The following TULP4 variants were observed in gnomAD, a reference collection of about 807,000 sequenced individuals.
TULP4 encodes tubby-related protein 4.
In TULP4, 16 loss-of-function variants were observed where a neutral mutation model predicts 129.0. That is an observed-to-expected ratio of 0.12 (90% CI 0.08 to 0.19). TULP4 has a LOEUF of 0.19. Among genes scored for constraint, TULP4 ranks in the 10% least tolerant of loss-of-function variants. TULP4 has a pLI of 1.00. For synonymous variants in TULP4, 998 were observed against 854.0 expected, an observed-to-expected ratio of 1.17 and a Z score of -2.94; for missense variants, 1,842 against 2,059.1, an observed-to-expected ratio of 0.89 and a Z score of 2.04.
Position 158,331,720 on chromosome 6 carries a change from CACACACACATACGTATAT to C in TULP4, c.252+17454_252+17471del, listed in dbSNP as rs1219439100. Among the ~76,000 whole-genome samples, 5 of 48,176 alleles carry C rather than the reference CACACACACATACGTATAT, an allele frequency of 1.0e-4. 1 individual carries two copies. Among genetic ancestry groups the C allele is most frequent in the African/African-American group, 3.3e-4 (5 of 14,978 alleles). The allele number at this position is 48,176 out of a possible 152,430, so 31.6% of individuals were successfully genotyped here. A position where few individuals can be genotyped will look rare whatever the true frequency, so the allele number is the denominator to read the frequency against. ...ACACACACACACACACACACACACACACACACACATACGTATATATATACGTGTATATACACGTGTATA... is the reference window on the plus strand; with the variant it reads ...ACACACACACACACACACACACACACATATACGTGTATATACACGTGTATA... On this transcript the variant is annotated intron_variant, in intron 1 of 13. Transcript: ENST00000367097.
chr6:158,464,584 G>A (rs1487843789), intron 6 of TULP4, among the ~76,000 whole-genome samples: 1 of 152,186 alleles, frequency 6.6e-6, no homozygotes, highest in Non-Finnish European at 1.5e-5. Flanking sequence ...CCGGGTTTAA[G>A]CAGTTCTGCT....
At chr6:158,469,530 C>T (rs776149880) in intron 6 of TULP4, among the ~76,000 whole-genome samples, 9 of 152,030 alleles carry the variant, frequency 5.9e-5, no homozygotes, top group African/African-American at 1.4e-4. Context: ...CTGCCTCGGC[C>T]TTCCAAAGTG....
At chr6:158,348,171 AGG>A (rs1780359077) in intron 1 of TULP4, among the ~76,000 whole-genome samples, 1 of 26,222 alleles carries the variant, frequency 3.8e-5, no homozygotes, top group Non-Finnish European at 7.7e-5. Flanking sequence ...TTTTTTTTTA[AGG>A]TTTTTTTTTT....
intron 1 of TULP4, among the ~76,000 whole-genome samples, chr6:158,394,105 G>A (rs1777653184): frequency 6.6e-6 from 1 of 152,212 alleles, no homozygotes; most frequent in East Asian, 1.9e-4. Context: ...TCTTCTGGCA[G>A]ATACCCTAAT....
intron 1 of TULP4, among the ~76,000 whole-genome samples, chr6:158,355,613 A>T (rs1420029216): frequency 6.6e-6 from 1 of 152,228 alleles, no homozygotes; most frequent in Admixed American, 6.5e-5. Context: ...AGGCTTTTGC[A>T]AGAATCTAGG....
At chr6:158,362,480 G>A (rs1340847749) in intron 1 of TULP4, among the ~76,000 whole-genome samples, 1 of 152,046 alleles carries the variant, frequency 6.6e-6, no homozygotes, top group Non-Finnish European at 1.5e-5. Flanking sequence ...TTCTCAAGTA[G>A]CCGGCACTAC....
chr6:158,446,265 C>A (rs552020267), intron 3 of TULP4, among the ~76,000 whole-genome samples: 1 of 152,306 alleles, frequency 6.6e-6, no homozygotes, highest in South Asian at 2.1e-4. Flanking sequence ...AGAGTAACTT[C>A]TTCCATCATT....
intron 1 of TULP4, among the ~76,000 whole-genome samples, chr6:158,351,041 A>G (rs73019735): frequency 0.15 from 22,993 of 152,136 alleles, 2,449 homozygotes; most frequent in East Asian, 0.43. Flanking sequence ...GGCATGAGCT[A>G]CCACGCCTGG....
At chr6:158,265,646 C>T (rs959915752) in intron 1 of TULP4, among the ~76,000 whole-genome samples, 1 of 150,792 alleles carries the variant, frequency 6.6e-6, no homozygotes, top group African/African-American at 2.4e-5. Flanking sequence ...CGTGCCACTG[C>T]ACTCCAGCCT....
At chr6:158,481,895 T>C (rs935639582) in intron 8 of TULP4, among the ~76,000 whole-genome samples, 2 of 152,336 alleles carry the variant, frequency 1.3e-5, no homozygotes, top group Non-Finnish European at 2.9e-5. Flanking sequence ...TCCTAGATTG[T>C]AAGCTTCAGA....
chr6:158,486,413 C>T (rs925524978), intron 8 of TULP4, among the ~76,000 whole-genome samples: 3 of 152,052 alleles, frequency 2.0e-5, no homozygotes, highest in Non-Finnish European at 2.9e-5. Flanking sequence ...ATTAGCCGGG[C>T]GTGGTGGCGG....
chr6:158,332,939 G>A (rs1283204217), intron 1 of TULP4, among the ~76,000 whole-genome samples: 1 of 151,922 alleles, frequency 6.6e-6, no homozygotes, highest in African/African-American at 2.4e-5. Flanking sequence ...ACACACACAC[G>A]TACATACATG....
intron 4 of TULP4, among the ~76,000 whole-genome samples, chr6:158,450,828 G>T (rs754914291): frequency 1.1e-4 from 16 of 151,990 alleles, no homozygotes; most frequent in Admixed American, 1.3e-4. Flanking sequence ...AGGCCGAGGC[G>T]GGTGGATCAT....
intron 1 of TULP4, among the ~76,000 whole-genome samples, chr6:158,411,692 C>G (rs940227572): frequency 6.6e-6 from 1 of 152,204 alleles, no homozygotes; most frequent in African/African-American, 2.4e-5. Flanking sequence ...CACACTAAAT[C>G]AGGTGATTCC....
At chr6:158,311,915 A>C (rs1779363524), upstream of TULP4, 1 of 389,808 alleles carries the variant, frequency 2.6e-6, no homozygotes, top group Non-Finnish European at 4.5e-6. Context: ...TTTACCATTC[A>C]GTGCAGTCAG....
At position 158,503,594 on chromosome 6, in the gene TULP4, A is replaced by G; in HGVS notation, c.3931A>G (p.Thr1311Ala). ...SHLGTEVMVE[T>A]ADNFQEVLSL... ...CTTGGGCACAGAGGTGATGGTAGAG[A>G]CTGCAGACAACTTCCAGGAAGTCCT... Residue 1311 changes from threonine (T) to alanine (A), a missense_variant, in exon 13 of 14, where the codon ACT becomes GCT. Physicochemically the swap from Thr to Ala is moderately conservative, Grantham distance 58. This residue lies in a region of TULP4 where 1,089 missense variants were observed against 987.1 expected (regional missense o/e 1.10). Coordinates refer to ENST00000367097, the MANE Select transcript of TULP4 (RefSeq NM_020245.5). This position sits in a 1 kb window ranked among gnomAD's most constrained non-coding sequence, Gnocchi z 4.3. 6.2e-7 allele frequency: 1 copy of G among 1,613,974 alleles called. No homozygotes were observed. The highest frequency in any genetic ancestry group is 8.5e-7 in the Non-Finnish European group (1 of 1,179,994).
intron 11 of TULP4, among the ~76,000 whole-genome samples, chr6:158,496,250 C>T (rs753285096): frequency 2.0e-5 from 3 of 152,328 alleles, no homozygotes; most frequent in Middle Eastern, 3.4e-3. Flanking sequence ...CCATTTTGAG[C>T]GTGCTGTGCG....
At chr6:158,292,381 G>A (rs781132128) in intron 1 of TULP4, among the ~76,000 whole-genome samples, 5 of 152,078 alleles carry the variant, frequency 3.3e-5, no homozygotes, top group African/African-American at 4.8e-5. Flanking sequence ...TTTTGTATCC[G>A]CTCTTGTGTC....
intron 1 of TULP4, among the ~76,000 whole-genome samples, chr6:158,351,985 G>A (rs1435000298): frequency 6.6e-6 from 1 of 152,068 alleles, no homozygotes; most frequent in African/African-American, 2.4e-5. Flanking sequence ...GCCTCCCAAA[G>A]TGCTGGGATT....
Sources: gnomAD v4.1 joint callset for allele counts (sites outside exome capture counted in the v4.1 genomes callset) on GRCh38, gnomAD v4.1.1 for gene constraint, gnomAD v4.1.1 regional missense constraint, Gnocchi (gnomAD v3.1) non-coding constraint, MANE v1.5 for transcripts, NCBI Gene and HGNC (gene_info 2026-07-23, HGNC 2026-07-21) for gene names.